The following DPP6 variants were observed in gnomAD, a reference collection of about 807,000 sequenced individuals.
DPP6 encodes A-type potassium channel modulatory protein DPP6.
Under a neutral mutation model 122.6 loss-of-function variants are expected in DPP6, and 69 were observed. The ratio of observed to expected loss-of-function variants is 0.56; its 90% CI spans 0.46 to 0.69. DPP6 has a LOEUF of 0.69. Among genes scored for constraint, DPP6 ranks in the 30% least tolerant of loss-of-function variants. DPP6 has a pLI of 0.00. For missense variants in DPP6, 928 were observed against 1,116.9 expected, an observed-to-expected ratio of 0.83 and a Z score of 2.41; for synonymous variants, 418 against 433.1, an observed-to-expected ratio of 0.97 and a Z score of 0.43.
intron 7 of DPP6, among the ~76,000 whole-genome samples, chr7:154,721,615 G>A (rs1841814376): frequency 6.6e-6 from 1 of 152,060 alleles, no homozygotes; most frequent in African/African-American, 2.4e-5. Flanking sequence ...GACACCAAAA[G>A]CATAAAAAAT....
chr7:153,912,156 C>A (rs942208753), intron 1 of DPP6, among the ~76,000 whole-genome samples: 1 of 152,188 alleles, frequency 6.6e-6, no homozygotes, highest in Non-Finnish European at 1.5e-5. Flanking sequence ...TTACCAGTGG[C>A]TTCATATCAG....
At chr7:154,521,648 A>G (rs1826990793) in intron 3 of DPP6, among the ~76,000 whole-genome samples, 1 of 152,260 alleles carries the variant, frequency 6.6e-6, no homozygotes. Context: ...TTTGAAATGT[A>G]GCTACTTCCC....
At chr7:154,800,092 C>T (rs935184507) in intron 12 of DPP6, among the ~76,000 whole-genome samples, 1 of 152,204 alleles carries the variant, frequency 6.6e-6, no homozygotes, top group Non-Finnish European at 1.5e-5. Context: ...GCGCTACCCG[C>T]CGCACAGTTG....
At chr7:153,846,802 C>T in the DPP6 span, among the ~76,000 whole-genome samples, 4 of 150,346 alleles carry the variant, frequency 2.7e-5, no homozygotes, top group Non-Finnish European at 5.9e-5. Context: ...ACGCCATTCT[C>T]CTGCCTCAGC....
chr7:153,989,681 C>T (rs1222717382), intron 1 of DPP6, among the ~76,000 whole-genome samples: 1 of 151,986 alleles, frequency 6.6e-6, no homozygotes, highest in Non-Finnish European at 1.5e-5. Context: ...TTGAGAGAGT[C>T]TGGGGATGGA....
chr7:154,243,610 A>T (rs1801788125), intron 1 of DPP6, among the ~76,000 whole-genome samples: 1 of 152,066 alleles, frequency 6.6e-6, no homozygotes, highest in Non-Finnish European at 1.5e-5. Context: ...CCTGGCTAAC[A>T]CACTGAAACC....
At chr7:154,610,711 G>C (rs1461418632) in intron 5 of DPP6, among the ~76,000 whole-genome samples, 3 of 12,318 alleles carry the variant, frequency 2.4e-4, no homozygotes, top group African/African-American at 7.6e-4. Flanking sequence ...TGTTCTCTGT[G>C]TGTGTGTGTG....
At chr7:154,017,347 A>G (rs1798470682) in intron 1 of DPP6, among the ~76,000 whole-genome samples, 1 of 152,100 alleles carries the variant, frequency 6.6e-6, no homozygotes, top group Non-Finnish European at 1.5e-5. Flanking sequence ...GGGATTACAG[A>G]TGGGATTACA....
intron 1 of DPP6, among the ~76,000 whole-genome samples, chr7:154,128,186 A>G (rs943470471): frequency 1.9e-4 from 28 of 151,198 alleles, no homozygotes; most frequent in African/African-American, 6.8e-4. Flanking sequence ...TGCTGGAACA[A>G]GCTGCAGAGT....
the DPP6 span, among the ~76,000 whole-genome samples, chr7:153,860,813 C>T: frequency 6.6e-6 from 1 of 152,148 alleles, no homozygotes; most frequent in African/African-American, 2.4e-5. Context: ...TACCTCATCC[C>T]TTTCTGTTCT....
intron 1 of DPP6, among the ~76,000 whole-genome samples, chr7:154,343,622 C>T (rs1348628567): frequency 1.3e-5 from 2 of 152,190 alleles, no homozygotes; most frequent in African/African-American, 4.8e-5. Context: ...TCTCTGTCAC[C>T]CTGGCTGGAG....
At chr7:154,081,386 T>G (rs1452458534) in intron 1 of DPP6, among the ~76,000 whole-genome samples, 1 of 144,210 alleles carries the variant, frequency 6.9e-6, no homozygotes, top group Non-Finnish European at 1.6e-5. Flanking sequence ...GAAAACCACA[T>G]AACATCATCC....
intron 1 of DPP6, among the ~76,000 whole-genome samples, chr7:153,963,008 T>G (rs1296384676): frequency 1.3e-5 from 2 of 152,198 alleles, no homozygotes; most frequent in Non-Finnish European, 2.9e-5. Context: ...GAAGACTAAA[T>G]TAACTGTTCC....
At chr7:153,955,911 A>G (rs1802438874) in intron 1 of DPP6, among the ~76,000 whole-genome samples, 1 of 152,186 alleles carries the variant, frequency 6.6e-6, no homozygotes, top group Admixed American at 6.5e-5. Flanking sequence ...AGAAGATGAT[A>G]TAAAGAAGGA....
the DPP6 span, among the ~76,000 whole-genome samples, chr7:153,788,857 C>T: frequency 1.3e-5 from 2 of 151,368 alleles, no homozygotes; most frequent in Non-Finnish European, 1.5e-5. Context: ...TCCAGCTAGT[C>T]GGGAGGCTGA....
intron 10 of DPP6, among the ~76,000 whole-genome samples, chr7:154,789,564 T>G (rs182711186): frequency 6.6e-6 from 1 of 152,366 alleles, no homozygotes; most frequent in African/African-American, 2.4e-5. Flanking sequence ...TTTTCATCAT[T>G]TCTGTGTGTC....
rs1189801344 is a variant in DPP6, at chr7:153,950,896, C to T, written c.51+63162C>T. Among the ~76,000 whole-genome samples, 6 of 152,098 alleles carry T rather than the reference C, an allele frequency of 3.9e-5. No homozygotes were observed. The East Asian group carries it at 7.7e-4, about 20-fold the overall frequency. On this transcript the variant is annotated intron_variant, in intron 1 of 25. Coordinates refer to the DPP6 transcript ENST00000404039. ...GATCAAGCTGGGGGTCAACATGTCT[C>T]GTGGAATGCAAGCCACGTAGGTGTG...
At chr7:154,041,750 G>GTTT (rs112011849) in intron 1 of DPP6, among the ~76,000 whole-genome samples, 4 of 150,014 alleles carry the variant, frequency 2.7e-5, no homozygotes, top group African/African-American at 9.9e-5. Flanking sequence ...TCTCATGTTT[G>GTTT]TTTTTTTTGT....
At chr7:154,642,093 C>A (rs938840541) in intron 6 of DPP6, among the ~76,000 whole-genome samples, 1 of 152,164 alleles carries the variant, frequency 6.6e-6, no homozygotes, top group Non-Finnish European at 1.5e-5. Context: ...GAGGAGCATT[C>A]TGTTTATTTG....
Sources: gnomAD v4.1 joint callset for allele counts (sites outside exome capture counted in the v4.1 genomes callset) on GRCh38, gnomAD v4.1.1 for gene constraint, MANE v1.5 for transcripts, NCBI Gene and HGNC (gene_info 2026-07-23, HGNC 2026-07-21) for gene names.